The following CACNA1C variants were observed in gnomAD, a reference collection of about 807,000 sequenced individuals.
The protein encoded by CACNA1C is voltage-dependent L-type calcium channel subunit alpha-1C.
In CACNA1C, 30 loss-of-function variants were observed where a neutral mutation model predicts 229.0. The ratio of observed to expected loss-of-function variants is 0.13; its 90% CI spans 0.10 to 0.18. CACNA1C has a LOEUF of 0.18. CACNA1C is among the 10% of genes least tolerant of loss of function. The probability of loss-of-function intolerance (pLI) is 1.00; values close to 1 mark genes in which losing one functional copy is unlikely to be tolerated. For missense variants in CACNA1C, 1,658 were observed against 2,845.0 expected (o/e 0.58, Z 9.49); for synonymous variants, 1,114 against 1,132.5 (o/e 0.98, Z 0.33).
At chr12:2,573,995 A>G (rs556278349) in intron 13 of CACNA1C, among the ~76,000 whole-genome samples, 2 of 152,324 alleles carry the variant, frequency 1.3e-5, no homozygotes, top group African/African-American at 4.8e-5. Context: ...GGAGTATGCT[A>G]CATGTATGAA....
chr12:2,238,579 A>T (rs961876096), intron 3 of CACNA1C, among the ~76,000 whole-genome samples: 7 of 152,214 alleles, frequency 4.6e-5, no homozygotes, highest in African/African-American at 7.2e-5. Context: ...GGTAGCTCTG[A>T]CAGGCCTCAA....
At position 2,669,048 on chromosome 12, in the gene CACNA1C, G is replaced by T. The variant is rs561365937; in HGVS notation, c.4726+13G>T. 3.9e-6 allele frequency: 6 copies of T among 1,554,952 alleles called. No homozygotes were observed. Among genetic ancestry groups the T allele is most frequent in the Non-Finnish European group, 5.3e-6 (6 of 1,126,062 alleles). On this transcript the variant is annotated intron_variant, in intron 38 of 46. Transcript: ENST00000399655. ...ATCAAAACAGAAGGTAAGGTCGCCC[G>T]TGGGCACTGGGAGAGACACTCAGAA...
intron 26 of CACNA1C, among the ~76,000 whole-genome samples, chr12:2,607,706 A>G (rs1282221718): frequency 6.6e-6 from 1 of 152,254 alleles, no homozygotes; most frequent in Non-Finnish European, 1.5e-5. Flanking sequence ...CATCACCTCT[A>G]CCAGGCAGCT....
chr12:2,525,973 G>GA (rs1183171346), intron 9 of CACNA1C, among the ~76,000 whole-genome samples: 2 of 152,198 alleles, frequency 1.3e-5, no homozygotes, highest in Non-Finnish European at 2.9e-5. Flanking sequence ...GTTGCCTAAT[G>GA]AAAAGGGTGG....
In CACNA1C at chr12:2,275,868, C is replaced by T. The variant is rs2087689828; in HGVS notation, c.477+155438C>T. On this transcript the variant is annotated intron_variant, in intron 3 of 46. Transcript: ENST00000399655. This position sits in a 1 kb window ranked among gnomAD's most constrained non-coding sequence, Gnocchi z 4.1. ...TTGTCTGCAGCGAGCCCTCAAAAAA[C>T]ATGGGTTTTGAGCCAGACGGAAAGT... 1.3e-5 allele frequency among the ~76,000 whole-genome samples: 2 copies of T among 151,746 alleles called. No homozygotes were observed. The highest frequency in any genetic ancestry group is 3.9e-4 in the East Asian group (2 of 5,186).
In CACNA1C at chr12:2,567,714, G is replaced by C; in HGVS notation, c.1815G>C (p.Leu605=). 1 of 1,613,612 alleles carries C rather than the reference G, an allele frequency of 6.2e-7. No individual in the cohort carries two copies. Among genetic ancestry groups the C allele is most frequent in the South Asian group, 1.1e-5 (1 of 90,994 alleles). ...VVCGGILETI[L]VETKIMSPLG... The stretch of plus-strand genomic sequence containing the variant: ...GTGGCGGCATCCTGGAGACCATCCT[G>C]GTGGAGACCAAGATCATGTCCCCAC... The change falls in exon 13 of 47, where the codon CTG becomes CTC. Residue 605 remains leucine (L), a synonymous_variant. Transcript: ENST00000399655.
chr12:2,655,777 G>T (rs2095387350), intron 34 of CACNA1C, among the ~76,000 whole-genome samples: 2 of 152,158 alleles, frequency 1.3e-5, no homozygotes, highest in African/African-American at 4.8e-5. Flanking sequence ...TCATTCCAGG[G>T]GTGGTTCAAC....
At chr12:2,537,778 G>C (rs186941714) in intron 9 of CACNA1C, among the ~76,000 whole-genome samples, 44 of 152,202 alleles carry the variant, frequency 2.9e-4, no homozygotes, top group Admixed American at 2.0e-3. Flanking sequence ...CAGGCAAGCT[G>C]TGTTTTCCCC....
chr12:2,623,345 G>A (rs1364673348), intron 29 of CACNA1C, among the ~76,000 whole-genome samples: 3 of 151,942 alleles, frequency 2.0e-5, no homozygotes, highest in African/African-American at 4.8e-5. Flanking sequence ...GTGCCCCCAC[G>A]AGCCTCTCCA....
At chr12:2,074,455 T>C (rs1389616604) in intron 1 of CACNA1C, among the ~76,000 whole-genome samples, 2 of 152,202 alleles carry the variant, frequency 1.3e-5, no homozygotes, top group African/African-American at 4.8e-5. Flanking sequence ...GGAGATGATC[T>C]GACTTGCCGA....
At chr12:2,227,142 A>G (rs1228527384) in intron 3 of CACNA1C, among the ~76,000 whole-genome samples, 2 of 152,074 alleles carry the variant, frequency 1.3e-5, no homozygotes, top group African/African-American at 4.8e-5. Context: ...CTCCTCTCTG[A>G]AATCATCCCC....
chr12:2,134,456 T>TA (rs1372728608), intron 3 of CACNA1C, among the ~76,000 whole-genome samples: 45 of 121,300 alleles, frequency 3.7e-4, no homozygotes, highest in South Asian at 1.2e-3. Context: ...GGTTGTTCCT[T>TA]TCCATGTTTA....
At chr12:2,610,458 C>G in intron 27 of CACNA1C, 83 bp from the exon 28 acceptor site, 1 of 1,398,368 alleles carries the variant, frequency 7.2e-7, no homozygotes, top group Non-Finnish European at 1.0e-6. Context: ...GTGGTCTCAT[C>G]ACATCCCACA....
At chr12:2,553,961 G>A (rs1412059115) in intron 10 of CACNA1C, among the ~76,000 whole-genome samples, 1 of 152,206 alleles carries the variant, frequency 6.6e-6, no homozygotes, top group African/African-American at 2.4e-5. Flanking sequence ...TGGAGTTAAG[G>A]ATGCTGAGTC....
intron 9 of CACNA1C, among the ~76,000 whole-genome samples, chr12:2,531,123 C>T (rs2154582122): frequency 6.6e-6 from 1 of 152,360 alleles, no homozygotes. Context: ...CCCATATTAT[C>T]TTTGCCCTCA....
At chr12:2,444,221 G>A (rs1679729452) in intron 3 of CACNA1C, among the ~76,000 whole-genome samples, 2 of 152,200 alleles carry the variant, frequency 1.3e-5, no homozygotes, top group Admixed American at 1.3e-4. Context: ...CCTTTGGCTT[G>A]AAGGTCAGAA....
intron 3 of CACNA1C, among the ~76,000 whole-genome samples, chr12:2,399,011 A>C (rs2098636592): frequency 6.6e-6 from 1 of 152,134 alleles, no homozygotes; most frequent in Admixed American, 6.5e-5. Context: ...CCTCTCCCTG[A>C]GATGGAAGAT....
chr12:2,158,634 C>G (rs2095670061), intron 3 of CACNA1C, among the ~76,000 whole-genome samples: 1 of 152,142 alleles, frequency 6.6e-6, no homozygotes, highest in Non-Finnish European at 1.5e-5. Context: ...GAGAATTGCC[C>G]TCAAAGTTCT....
chr12:2,410,148 A>C lies in CACNA1C; in HGVS notation c.478-38828A>C, dbSNP rs914726520. Among the ~76,000 whole-genome samples the C allele has an allele frequency of 1.3e-5, 2 of 152,182 alleles. No individual in the cohort carries two copies. The highest frequency in any genetic ancestry group is 1.3e-4 in the Admixed American group (2 of 15,276). ...TCAGCCTTGGATGGTGGGCTCATGC[A>C]TTCTGTTCCCACTCCAATCTGCCAG... On this transcript the variant is annotated intron_variant, in intron 3 of 46. Coordinates refer to ENST00000399655, the MANE Select transcript of CACNA1C (RefSeq NM_000719.7). This position sits in a 1 kb window ranked among gnomAD's most constrained non-coding sequence, Gnocchi z 5.3.
Sources: gnomAD v4.1 joint callset for allele counts (sites outside exome capture counted in the v4.1 genomes callset) on GRCh38, gnomAD v4.1.1 for gene constraint, Gnocchi (gnomAD v3.1) non-coding constraint, MANE v1.5 for transcripts, NCBI Gene and HGNC (gene_info 2026-07-23, HGNC 2026-07-21) for gene names.